Variants in MLXIPL observed in about 807,000 individuals in gnomAD.
The protein encoded by MLXIPL is MLX interacting protein like.
In MLXIPL, 49 loss-of-function variants were observed where a neutral mutation model predicts 81.5. That is an observed-to-expected ratio of 0.60 (90% confidence interval 0.48 to 0.76). The LOEUF (loss-of-function observed/expected upper bound fraction) is 0.76. Ranked by LOEUF, MLXIPL falls within the 30% of genes least tolerant of loss-of-function variation. The pLI, the probability that MLXIPL is intolerant of heterozygous loss-of-function variation, is 0.00. For missense variants in MLXIPL, 1,053 were observed against 1,167.0 expected, an observed-to-expected ratio of 0.90 and a Z score of 1.42; for synonymous variants, 466 against 485.5, an observed-to-expected ratio of 0.96 and a Z score of 0.53.
At position 73,622,155 on chromosome 7, in the gene MLXIPL, AG is replaced by A. The variant is rs368522118; in HGVS notation, c.293+2044del. Among the ~76,000 whole-genome samples the A allele has an allele frequency of 1.8e-4, 27 of 151,116 alleles. No individual in the cohort carries two copies. The East Asian group carries it at 3.4e-3, about 19-fold the overall frequency. ...ATCCTCCCACCTCAGACTCCCCAGT[AG>A]CTGGTACTAGGAATGTGCCATCACA... On this transcript the variant is annotated intron_variant, in intron 1 of 16. Coordinates refer to ENST00000313375, the MANE Select transcript of MLXIPL (RefSeq NM_032951.3).
the MLXIPL span, among the ~76,000 whole-genome samples, chr7:73,636,152 G>T: frequency 3.3e-5 from 5 of 152,140 alleles, no homozygotes; most frequent in Non-Finnish European, 7.4e-5. Context: ...GCTCACGCCT[G>T]CAATCCCAAC....
At chr7:73,631,788 C>A in the MLXIPL span, among the ~76,000 whole-genome samples, 3 of 147,702 alleles carry the variant, frequency 2.0e-5, no homozygotes, top group African/African-American at 7.5e-5. Flanking sequence ...TCTCTCTCTT[C>A]TCCCCTCCCC....
the MLXIPL span, among the ~76,000 whole-genome samples, chr7:73,641,429 A>G: frequency 2.0e-5 from 3 of 152,224 alleles, no homozygotes; most frequent in South Asian, 2.1e-4. Context: ...GGGGAGGATC[A>G]TGTGCTACCA....
rs1554602687 is a variant in MLXIPL, at chr7:73,623,226, C to T, written c.293+974G>A. Reference sequence around the variant, plus strand: ...CAGGGCGGCAGGTGCCGATCTGTAGCCAGCGGTTCTCAGAAGGGGAGGAGG... The same window carrying T: ...CAGGGCGGCAGGTGCCGATCTGTAGTCAGCGGTTCTCAGAAGGGGAGGAGG... On this transcript the variant is annotated intron_variant, in intron 1 of 16. Coordinates refer to ENST00000313375, the MANE Select transcript of MLXIPL (RefSeq NM_032951.3). This position sits in a 1 kb window ranked among gnomAD's most constrained non-coding sequence, Gnocchi z 5.7. Among the ~76,000 whole-genome samples, 1 of 152,222 alleles carries T rather than the reference C, an allele frequency of 6.6e-6. No individual in the cohort carries two copies. The highest frequency in any genetic ancestry group is 1.9e-4 in the East Asian group (1 of 5,196).
chr7:73,636,425 G>C, the MLXIPL span, among the ~76,000 whole-genome samples: 34 of 149,678 alleles, frequency 2.3e-4, 1 homozygote, highest in South Asian at 7.2e-3. Flanking sequence ...AAAAAAAAAA[G>C]ACGAAGTGAG....
At chr7:73,610,278 T>G (rs1328084974) in intron 2 of MLXIPL, 1 of 152,286 alleles carries the variant, frequency 6.6e-6, no homozygotes, top group Non-Finnish European at 1.5e-5. Flanking sequence ...GGGACCTCCC[T>G]GACTCCAGTG....
rs117250326 is a variant in MLXIPL at position 73,620,775 on chromosome 7, A to T, written c.293+3425T>A. Among the ~76,000 whole-genome samples, 203 of 141,580 alleles carry T rather than the reference A, an allele frequency of 1.4e-3. 2 individuals are homozygous for T. In the East Asian group the frequency reaches 0.039, roughly 27 times the overall value. The allele number at this position is 141,580 out of a possible 152,430, so 92.9% of individuals were successfully genotyped here. A position where few individuals can be genotyped will look rare whatever the true frequency, so the allele number is the denominator to read the frequency against. On this transcript the variant is annotated intron_variant, in intron 1 of 16. Coordinates refer to ENST00000313375, the MANE Select transcript of MLXIPL (RefSeq NM_032951.3). ...AAAAGAAAAGAAAGAAAAAGGCAGG[A>T]CACGATGGCTCATACCTGTAATCCC...
At position 73,605,738 on chromosome 7, in the gene MLXIPL, G is replaced by A. The variant is rs782136582; in HGVS notation, c.851C>T (p.Pro284Leu). 1.2e-6 allele frequency: 2 copies of A among 1,613,530 alleles called. No individual in the cohort carries two copies. The highest frequency in any genetic ancestry group is 8.5e-7 in the Non-Finnish European group (1 of 1,179,892). The change falls in exon 7 of 17, where the codon CCG (proline) becomes CTG (leucine). Residue 284 changes from proline (P) to leucine (L), a missense_variant. This residue lies in a region of MLXIPL where 823 missense variants were observed against 933.0 expected (regional missense o/e 0.88). Transcript: ENST00000313375. Reference sequence around the variant, plus strand: ...GCTTGGCTGCAGTGGCGTCAGGTCCGGCTGGATCATGTCAGCATTGCCGAC... The same window carrying A: ...GCTTGGCTGCAGTGGCGTCAGGTCCAGCTGGATCATGTCAGCATTGCCGAC... Reference protein sequence around the residue: ...AYVGNADMIQPDLTPLQPSLD... With the variant: ...AYVGNADMIQLDLTPLQPSLD...
At position 73,596,946 on chromosome 7, in the gene MLXIPL, G is replaced by T; in HGVS notation, c.1604-14C>A. 1 of 1,605,404 alleles carries T rather than the reference G, an allele frequency of 6.2e-7. No individual in the cohort carries two copies. Among genetic ancestry groups the T allele is most frequent in the Admixed American group, 1.7e-5 (1 of 58,968 alleles). Reference sequence around the variant, plus strand: ...GCTCCGGCTTAGCTGTGCACGGGCAGAACCGTGAGGCTACTGGGGCTGGCC... The same window carrying T: ...GCTCCGGCTTAGCTGTGCACGGGCATAACCGTGAGGCTACTGGGGCTGGCC... On this transcript the variant is annotated splice_polypyrimidine_tract_variant and intron_variant, in intron 9 of 16. Coordinates refer to ENST00000313375, the MANE Select transcript of MLXIPL (RefSeq NM_032951.3). The surrounding 1 kb of genome is among the most constrained non-coding windows in gnomAD (Gnocchi z 4.7).
At chr7:73,615,442 G>A (rs782777050) in intron 2 of MLXIPL, among the ~76,000 whole-genome samples, 1 of 152,198 alleles carries the variant, frequency 6.6e-6, no homozygotes, top group African/African-American at 2.4e-5. Flanking sequence ...ATGCTAATGG[G>A]ATGCAAAATG....
chr7:73,639,171 T>TA, the MLXIPL span, among the ~76,000 whole-genome samples: 1 of 152,018 alleles, frequency 6.6e-6, no homozygotes, highest in Non-Finnish European at 1.5e-5. Flanking sequence ...GGGGGAGGCT[T>TA]AAAACCCCAT....
chr7:73,598,636 G>A (rs1274191216), intron 8 of MLXIPL, among the ~76,000 whole-genome samples: 5 of 152,216 alleles, frequency 3.3e-5, no homozygotes, highest in African/African-American at 4.8e-5. Context: ...CATTCACTGA[G>A]TGCTGTTATG....
chr7:73,643,915 C>T, the MLXIPL span, among the ~76,000 whole-genome samples: 1 of 151,970 alleles, frequency 6.6e-6, no homozygotes, highest in Non-Finnish European at 1.5e-5. Flanking sequence ...TACAGGTGTG[C>T]ATCACCACCC....
At chr7:73,642,383 ACT>A in the MLXIPL span, among the ~76,000 whole-genome samples, 1 of 151,500 alleles carries the variant, frequency 6.6e-6, no homozygotes, top group Admixed American at 6.6e-5. Context: ...ATAGAGTCTC[ACT>A]CTGTCACCCA....
intron 1 of MLXIPL, among the ~76,000 whole-genome samples, chr7:73,620,943 T>C (rs1645773036): frequency 2.7e-5 from 4 of 150,786 alleles, no homozygotes; most frequent in Admixed American, 2.0e-4. Context: ...TCAGCTACTC[T>C]GGAGGCTGAG....
chr7:73,597,221 C>G lies in MLXIPL; in HGVS notation c.1564G>C (p.Gly522Arg). 1 of 1,605,232 alleles carries G rather than the reference C, an allele frequency of 6.2e-7. No homozygotes were observed. The highest frequency in any genetic ancestry group is 8.5e-7 in the Non-Finnish European group (1 of 1,178,132). Residue 522 changes from glycine (G) to arginine (R), a missense_variant, in exon 9 of 17, where the codon GGG becomes CGG. Transcript: ENST00000313375. ...PATASPPTTA[G>R]SNNPCLTQLL... Reference sequence around the variant, plus strand: ...TGTGTGAGGCAGGGGTTGTTGCTCCCCGCAGTGGTGGGGGGACTGGCAGTG... The same window carrying G: ...TGTGTGAGGCAGGGGTTGTTGCTCCGCGCAGTGGTGGGGGGACTGGCAGTG...
rs565955437 is a variant in MLXIPL at position 73,613,460 on chromosome 7, A to T, written c.400+2611T>A. ...CTAAAAATACAAAAATTAGCCAGGC[A>T]TGGTGGCATGCGCCTGTAGTCCCAG... On this transcript the variant is annotated intron_variant, in intron 2 of 16. Coordinates refer to ENST00000313375, the MANE Select transcript of MLXIPL (RefSeq NM_032951.3). Among the ~76,000 whole-genome samples, 290 of 152,086 alleles carry T rather than the reference A, an allele frequency of 1.9e-3. 2 individuals carry two copies. Among genetic ancestry groups the T allele is most frequent in the Admixed American group, 3.7e-3 (56 of 15,258 alleles).
intron 7 of MLXIPL, among the ~76,000 whole-genome samples, chr7:73,602,158 T>TCCTTCCTTCCTTCCTTCCTTCCTTCCTC (rs1563487412): frequency 6.8e-6 from 1 of 148,094 alleles, no homozygotes; most frequent in Non-Finnish European, 1.5e-5. Context: ...CTTCCTTCCT[T>TCCTTCCTTCCTTCCTTCCTTCCTTCCTC]CCTTCCTTTC....
intron 2 of MLXIPL, chr7:73,610,109 A>C (rs1205904047): frequency 6.6e-6 from 1 of 151,936 alleles, no homozygotes; most frequent in Non-Finnish European, 1.5e-5. Flanking sequence ...TGCCACAAAA[A>C]CCCCACTGAC....
Sources: gnomAD v4.1 joint callset for allele counts (sites outside exome capture counted in the v4.1 genomes callset) on GRCh38, gnomAD v4.1.1 for gene constraint, gnomAD v4.1.1 regional missense constraint, Gnocchi (gnomAD v3.1) non-coding constraint, MANE v1.5 for transcripts, NCBI Gene and HGNC (gene_info 2026-07-23, HGNC 2026-07-21) for gene names.